MICU2: variants seen among roughly 807,000 people sequenced by gnomAD.
The protein encoded by MICU2 is mitochondrial calcium uptake 2, also known as calcium uptake protein 2, mitochondrial.
A neutral mutation model predicts 60.4 loss-of-function variants in MICU2; 64 were observed. That is an observed-to-expected ratio of 1.06 (90% CI 0.87 to 1.31). MICU2 has a LOEUF of 1.31. Ranked by LOEUF, MICU2 falls within the 50% of genes most tolerant of loss-of-function variation. MICU2 has a pLI of 0.00. For missense variants in MICU2, 569 were observed against 531.0 expected (o/e 1.07, Z -0.70); for synonymous variants, 201 against 175.0 (o/e 1.15, Z -1.17).
intron 9 of MICU2, among the ~76,000 whole-genome samples, chr13:21,499,303 T>G (rs929118811): frequency 1.3e-5 from 2 of 152,216 alleles, no homozygotes; most frequent in African/African-American, 4.8e-5. Context: ...CACATGCTTA[T>G]TAGTCATTTG....
rs1008057309 is a variant in MICU2, at chr13:21,604,104, GCC to G, written c.43_44del (p.Gly15ArgfsTer59). 1 of 1,584,082 alleles carries G rather than the reference GCC, an allele frequency of 6.3e-7. No individual in the cohort carries two copies. Among genetic ancestry groups the G allele is most frequent in the African/African-American group, 1.4e-5 (1 of 73,232 alleles). Reference protein sequence around the residue: ...AGSCARVAAWGGKLRRGLAVS... With the variant: ...AGSCARVAAWXGKLRRGLAVS... The stretch of plus-strand genomic sequence containing the variant: ...CAGCGAGCCCCCGTCGCAGTTTTCC[GCC>G]CCAGGCCGCCACCCGCGCGCAGCTA... On this transcript the variant is annotated frameshift_variant, in exon 1 of 12. Transcript: ENST00000382374. LOFTEE classifies it high-confidence loss of function.
At chr13:21,566,492 C>G (rs186601621) in intron 2 of MICU2, among the ~76,000 whole-genome samples, 16 of 147,914 alleles carry the variant, frequency 1.1e-4, no homozygotes, top group Middle Eastern at 3.5e-3. Context: ...CTTCTCAAAT[C>G]TAGTTTCATT....
chr13:21,530,716 A>G, intron 4 of MICU2: 1 of 460,650 alleles, frequency 2.2e-6, no homozygotes, highest in Non-Finnish European at 3.9e-6. Flanking sequence ...GGGAGGCTGC[A>G]CAAGGTGGCG....
intron 1 of MICU2, among the ~76,000 whole-genome samples, chr13:21,570,243 T>C (rs74036805): frequency 6.6e-6 from 1 of 152,366 alleles, no homozygotes; most frequent in African/African-American, 2.4e-5. Context: ...GCCTTTCTAA[T>C]TCCAAGTTGA....
rs146154164 is a variant in MICU2 at position 21,519,789 on chromosome 13, T to C, written c.597+1456A>G. On this transcript the variant is annotated intron_variant, in intron 6 of 11. Coordinates refer to ENST00000382374, the MANE Select transcript of MICU2 (RefSeq NM_152726.3). ...TCAGGCCTCCTAAGAATTCTTCAAATGAGGAGGGCTGACAATGAGGAAAGA... is the reference window on the plus strand; with the variant it reads ...TCAGGCCTCCTAAGAATTCTTCAAACGAGGAGGGCTGACAATGAGGAAAGA... Among the ~76,000 whole-genome samples the C allele has an allele frequency of 4.2e-4, 64 of 152,240 alleles. 1 individual carries two copies. The East Asian group carries it at 0.012, about 29-fold the overall frequency.
intron 4 of MICU2, among the ~76,000 whole-genome samples, chr13:21,525,143 C>G (rs528333714): frequency 4.7e-5 from 7 of 149,410 alleles, no homozygotes; most frequent in South Asian, 2.1e-4. Flanking sequence ...TACCCAGAAG[C>G]AGAACTGCTG....
intron 2 of MICU2, among the ~76,000 whole-genome samples, chr13:21,565,226 A>C (rs1887949674): frequency 6.6e-6 from 1 of 152,212 alleles, no homozygotes. Flanking sequence ...CCTGCAAAAA[A>C]GCTGTAATAA....
In MICU2 at chr13:21,527,800, C is replaced by T. The variant is rs73443834; in HGVS notation, c.467-5150G>A. ...AAGTTCTGACTTTTTCCTCTCCTCA[C>T]GTCAGACAACCAATATGTTGTCCTT... On this transcript the variant is annotated intron_variant, in intron 4 of 11. Transcript: ENST00000382374. 4.0e-3 allele frequency among the ~76,000 whole-genome samples: 612 copies of T among 152,292 alleles called. 2 individuals are homozygous for T. The highest frequency in any genetic ancestry group is 0.014 in the African/African-American group (579 of 41,564).
Position 21,589,492 on chromosome 13 carries a change from A to T in MICU2, c.210+14447T>A, listed in dbSNP as rs145060669. On this transcript the variant is annotated intron_variant, in intron 1 of 11. Transcript: ENST00000382374. ...AAAAAACTTTGAAAAGAAAGCTGTT[A>T]AGGAAACACAAGGGTAGGGGTTGTT... 5.4e-3 allele frequency among the ~76,000 whole-genome samples: 819 copies of T among 152,376 alleles called. 5 individuals are homozygous for T. The highest frequency in any genetic ancestry group is 0.017 in the Middle Eastern group (5 of 294).
chr13:21,591,379 T>C (rs899960995), intron 1 of MICU2, among the ~76,000 whole-genome samples: 1 of 152,192 alleles, frequency 6.6e-6, no homozygotes, highest in African/African-American at 2.4e-5. Context: ...AACAAGTTGT[T>C]AGAGACCTAC....
intron 1 of MICU2, among the ~76,000 whole-genome samples, chr13:21,592,951 C>G (rs1888614606): frequency 6.6e-6 from 1 of 152,126 alleles, no homozygotes; most frequent in Admixed American, 6.6e-5. Context: ...CTTTGAAAAC[C>G]AGTACAAGAC....
At chr13:21,511,659 C>CATGTTGCT (rs1340927105) in intron 7 of MICU2, among the ~76,000 whole-genome samples, 1 of 152,182 alleles carries the variant, frequency 6.6e-6, no homozygotes, top group Non-Finnish European at 1.5e-5. Context: ...AAGGATTCCT[C>CATGTTGCT]ATGTTGCTTT....
At chr13:21,603,702 G>A (rs1035250709) in intron 1 of MICU2, 3 of 559,342 alleles carry the variant, frequency 5.4e-6, no homozygotes, top group Non-Finnish European at 6.3e-6. Context: ...AGCGTCCGCG[G>A]GGTTCTCCCA....
intron 4 of MICU2, chr13:21,531,249 T>C (rs952741893): frequency 1.6e-6 from 2 of 1,252,390 alleles, no homozygotes; most frequent in African/African-American, 2.9e-5. Flanking sequence ...AAGAAAGGAA[T>C]ATTGGAGATA....
chr13:21,573,439 A>AT (rs1888158879), intron 1 of MICU2, among the ~76,000 whole-genome samples: 1 of 151,996 alleles, frequency 6.6e-6, no homozygotes, highest in Admixed American at 6.6e-5. Flanking sequence ...TGCCCGGCTA[A>AT]TTTTTTGTAT....
At chr13:21,603,789 A>T in intron 1 of MICU2, 150 bp downstream of exon 1, 1 of 840,690 alleles carries the variant, frequency 1.2e-6, no homozygotes, top group Non-Finnish European at 1.8e-6. Context: ...GGAAGGAGCG[A>T]GTCCCACCAG....
intron 8 of MICU2, among the ~76,000 whole-genome samples, chr13:21,509,425 G>T (rs941361492): frequency 1.3e-5 from 2 of 152,210 alleles, no homozygotes; most frequent in African/African-American, 4.8e-5. Flanking sequence ...TTGTGTAGTT[G>T]TGACAGAGAC....
chr13:21,569,165 A>G (rs1372063996), intron 1 of MICU2, among the ~76,000 whole-genome samples: 1 of 152,220 alleles, frequency 6.6e-6, no homozygotes, highest in Non-Finnish European at 1.5e-5. Flanking sequence ...GGTCACTTAT[A>G]GAAAAATGAC....
At chr13:21,555,443 A>G (rs1370960001) in intron 2 of MICU2, among the ~76,000 whole-genome samples, 2 of 152,210 alleles carry the variant, frequency 1.3e-5, no homozygotes, top group Admixed American at 6.5e-5. Flanking sequence ...CAATAGATGC[A>G]GAAAAGGCCT....
Sources: gnomAD v4.1 joint callset for allele counts (sites outside exome capture counted in the v4.1 genomes callset) on GRCh38, gnomAD v4.1.1 for gene constraint, MANE v1.5 for transcripts, NCBI Gene and HGNC (gene_info 2026-07-23, HGNC 2026-07-21) for gene names.